Variants in GALNT2 observed in about 807,000 individuals in gnomAD.
GALNT2 encodes the protein polypeptide N-acetylgalactosaminyltransferase 2.
Under a neutral mutation model 81.4 loss-of-function variants are expected in GALNT2, and 31 were observed. That is an observed-to-expected ratio of 0.38 (90% CI 0.29 to 0.51). The LOEUF is 0.51. GALNT2 is among the 20% of genes least tolerant of loss of function. The pLI, the probability that GALNT2 is intolerant of heterozygous loss-of-function variation, is 0.87. For synonymous variants in GALNT2, 303 were observed against 287.4 expected (o/e 1.05, Z -0.55); for missense variants, 629 against 765.7 (o/e 0.82, Z 2.11).
chr1:230,260,846 C>T (rs539218002), intron 11 of GALNT2, among the ~76,000 whole-genome samples: 1 of 152,202 alleles, frequency 6.6e-6, no homozygotes, highest in Admixed American at 6.5e-5. Context: ...ATAACACTCT[C>T]ATAATTTGAT....
chr1:230,228,624 A>G (rs1664784313), intron 3 of GALNT2, among the ~76,000 whole-genome samples: 1 of 152,068 alleles, frequency 6.6e-6, no homozygotes, highest in African/African-American at 2.4e-5. Context: ...ACTTGTCTAC[A>G]TCCATTTCTG....
At position 230,070,568 on chromosome 1, in the gene GALNT2, C is replaced by T. The variant is rs556670683; in HGVS notation, c.126+3162C>T. Reference sequence around the variant, plus strand: ...ACGGTGTTAGTTGAGGGACATGATCCGGAGCCCTGGGAGCCTGTCCACTTT... The same window carrying T: ...ACGGTGTTAGTTGAGGGACATGATCTGGAGCCCTGGGAGCCTGTCCACTTT... On this transcript the variant is annotated intron_variant, in intron 1 of 15. Transcript: ENST00000366672. The surrounding 1 kb of genome is among the most constrained non-coding windows in gnomAD (Gnocchi z 4.7). Among the ~76,000 whole-genome samples the T allele has an allele frequency of 1.1e-4, 17 of 152,100 alleles. No homozygotes were observed. In the South Asian group the frequency reaches 3.5e-3, roughly 32 times the overall value.
rs35956776 is a variant in GALNT2, at chr1:230,266,989, GACACAC to G, written c.1440+1646_1440+1651del. Among the ~76,000 whole-genome samples the G allele has an allele frequency of 3.9e-3, 577 of 146,792 alleles. 8 individuals carry two copies. Among genetic ancestry groups the G allele is most frequent in the South Asian group, 0.014 (63 of 4,626 alleles). On this transcript the variant is annotated intron_variant, in intron 14 of 15. Transcript: ENST00000366672. ...GCTTCCAGTGCCTGTGCACGTGTGT[GACACAC>G]ACACACACACACACACACACACAAT...
chr1:230,108,045 C>CA (rs1241525517), intron 1 of GALNT2, among the ~76,000 whole-genome samples: 2 of 152,182 alleles, frequency 1.3e-5, no homozygotes, highest in Non-Finnish European at 2.9e-5. Flanking sequence ...TGGGCAGACT[C>CA]ATTCATAGGG....
rs1307673581 is a variant in GALNT2 at position 230,257,938 on chromosome 1, A to G, written c.1136+2594A>G. 6.6e-6 allele frequency among the ~76,000 whole-genome samples: 1 copy of G among 152,186 alleles called. No individual in the cohort carries two copies. Among genetic ancestry groups the G allele is most frequent in the Non-Finnish European group, 1.5e-5 (1 of 68,030 alleles). ...TTTTGTCTAGTTTTTTTCTTGAGAC[A>G]GAGTCTTGCTCTGTTGCCCAGGCTG... On this transcript the variant is annotated intron_variant, in intron 11 of 15. Coordinates refer to ENST00000366672, the MANE Select transcript of GALNT2 (RefSeq NM_004481.5). The surrounding 1 kb of genome is among the most constrained non-coding windows in gnomAD (Gnocchi z 4.6).
intron 1 of GALNT2, among the ~76,000 whole-genome samples, chr1:230,177,818 T>C (rs1663032506): frequency 6.6e-6 from 1 of 152,230 alleles, no homozygotes; most frequent in Admixed American, 6.5e-5. Flanking sequence ...CCACCTAAGA[T>C]GTCTGGAGAG....
chr1:230,116,766 G>A (rs1392341469), intron 1 of GALNT2, among the ~76,000 whole-genome samples: 1 of 152,176 alleles, frequency 6.6e-6, no homozygotes, highest in Non-Finnish European at 1.5e-5. Flanking sequence ...AAACCGTGCT[G>A]TAAACAGATG....
At chr1:230,084,603 C>G (rs147696697) in intron 1 of GALNT2, among the ~76,000 whole-genome samples, 1 of 151,674 alleles carries the variant, frequency 6.6e-6, no homozygotes, top group Non-Finnish European at 1.5e-5. Flanking sequence ...CTGGTGGGCT[C>G]GGGGGAGAAT....
At chr1:230,103,145 A>G (rs1280639291) in intron 1 of GALNT2, among the ~76,000 whole-genome samples, 1 of 152,172 alleles carries the variant, frequency 6.6e-6, no homozygotes, top group Non-Finnish European at 1.5e-5. Flanking sequence ...GTCCAGGAAA[A>G]CAGTTGCTAG....
At chr1:230,079,334 G>A (rs555507928) in intron 1 of GALNT2, among the ~76,000 whole-genome samples, 15 of 152,360 alleles carry the variant, frequency 9.8e-5, no homozygotes, top group Admixed American at 9.8e-4. Context: ...TTGCTCATTT[G>A]TCTTGCTTTT....
intron 1 of GALNT2, among the ~76,000 whole-genome samples, chr1:230,106,404 A>G (rs1340378411): frequency 6.6e-6 from 1 of 152,204 alleles, no homozygotes; most frequent in African/African-American, 2.4e-5. Flanking sequence ...TGAGGCTCTG[A>G]GTTCCGGCAG....
intron 1 of GALNT2, among the ~76,000 whole-genome samples, chr1:230,152,321 G>A (rs1031448508): frequency 3.4e-4 from 51 of 152,236 alleles, no homozygotes; most frequent in African/African-American, 7.5e-4. Context: ...GCCTGTAAGC[G>A]CATCCGACAC....
At chr1:230,211,849 G>T (rs1020207068) in intron 3 of GALNT2, among the ~76,000 whole-genome samples, 5 of 152,160 alleles carry the variant, frequency 3.3e-5, no homozygotes, top group African/African-American at 1.2e-4. Context: ...TGATGATGTC[G>T]TATACCAGTT....
intron 2 of GALNT2, among the ~76,000 whole-genome samples, chr1:230,188,397 G>A (rs542020579): frequency 2.4e-4 from 36 of 152,316 alleles, no homozygotes; most frequent in African/African-American, 6.3e-4. Context: ...CTGGGAGCAC[G>A]GGATCTGGGT....
At chr1:230,059,923 G>T (rs567119512) in intron 1 of GALNT2, among the ~76,000 whole-genome samples, 1 of 151,996 alleles carries the variant, frequency 6.6e-6, no homozygotes, top group Non-Finnish European at 1.5e-5. Flanking sequence ...AGCAACTATA[G>T]TACAGTTAGC....
At chr1:230,089,367 G>A (rs913449562) in intron 1 of GALNT2, among the ~76,000 whole-genome samples, 3 of 151,894 alleles carry the variant, frequency 2.0e-5, no homozygotes, top group African/African-American at 7.3e-5. Context: ...CGCCATGTTG[G>A]CCAGGCTGGT....
At chr1:230,125,350 C>T (rs1022292713) in intron 1 of GALNT2, among the ~76,000 whole-genome samples, 1 of 152,162 alleles carries the variant, frequency 6.6e-6, no homozygotes, top group Non-Finnish European at 1.5e-5. Context: ...TTAGAATGTC[C>T]CTGTGTTTCT....
At chr1:230,260,789 G>A (rs1334604280) in intron 11 of GALNT2, among the ~76,000 whole-genome samples, 1 of 152,076 alleles carries the variant, frequency 6.6e-6, no homozygotes, top group Non-Finnish European at 1.5e-5. Context: ...TTTTTTAATA[G>A]AGAGAAAGTA....
intron 5 of GALNT2, 44 bp downstream of exon 5, chr1:230,236,464 T>C: frequency 6.3e-7 from 1 of 1,588,766 alleles, no homozygotes; most frequent in Non-Finnish European, 8.6e-7. Context: ...GGCTCTTCTC[T>C]GGGCACCAGT....
Sources: allele counts gnomAD v4.1 joint callset (sites outside exome capture counted in the v4.1 genomes callset), GRCh38; gene constraint gnomAD v4.1.1; non-coding constraint Gnocchi (gnomAD v3.1); transcripts MANE v1.5; gene names NCBI Gene and HGNC (gene_info 2026-07-23, HGNC 2026-07-21).